GEMIN4: variants seen among roughly 807,000 people sequenced by gnomAD.
GEMIN4 encodes the protein gem nuclear organelle associated protein 4, also known as gem-associated protein 4.
In GEMIN4, 59 loss-of-function variants were observed where a neutral mutation model predicts 76.8. The observed-to-expected ratio is 0.77, with a 90% CI of 0.62 to 0.95. GEMIN4 has a LOEUF of 0.95. Ranked by LOEUF, GEMIN4 falls within the 40% of genes least tolerant of loss-of-function variation. The pLI is 0.00. For missense variants in GEMIN4, 1,311 were observed against 1,318.9 expected (o/e 0.99, Z 0.09); for synonymous variants, 562 against 559.7 (o/e 1.00, Z -0.06).
Position 744,901 on chromosome 17 carries a change from G to A in GEMIN4, c.3142C>T (p.Arg1048Cys), listed in dbSNP as rs1260247389. 16 of 1,612,986 alleles carry A rather than the reference G, an allele frequency of 9.9e-6. No individual in the cohort carries two copies. The East Asian group carries it at 2.5e-4, about 25-fold the overall frequency. The change falls in exon 2 of 2, where the codon CGC becomes TGC. Residue 1048 changes from arginine to cysteine, a missense_variant. Transcript: ENST00000319004. ...CTCATCTTCTGCAACAGGGTTTGGC[G>A]CCGTTCTTCAGGGCCGATGCCCTCA... The part of the protein sequence containing the change: ...IAEGIGPEER[R>C]QTLLQKMSSF
intron 1 of GEMIN4, chr17:749,789 C>G (rs1567781640): frequency 2.0e-6 from 2 of 993,246 alleles, no homozygotes. Flanking sequence ...CAGACAAGCC[C>G]TGCCTTCACT....
chr17:748,464 A>G (rs1904405981), intron 1 of GEMIN4: 2 of 176,688 alleles, frequency 1.1e-5, no homozygotes, highest in African/African-American at 2.4e-5. Flanking sequence ...GAGATCCTTC[A>G]GGAAAAGTGT....
rs750819554 is a variant in GEMIN4, at chr17:746,369, T to A, written c.1674A>T (p.Glu558Asp). The A allele has an allele frequency of 6.2e-6, 10 of 1,613,846 alleles. No individual in the cohort carries two copies. The South Asian group carries it at 1.1e-4, about 18-fold the overall frequency. The change falls in exon 2 of 2, where the codon GAA becomes GAT. Residue 558 changes from glutamate to aspartate, a missense_variant. Physicochemically the swap from Glu to Asp is conservative, Grantham distance 45. Coordinates refer to ENST00000319004, the MANE Select transcript of GEMIN4 (RefSeq NM_015721.3). This position sits in a 1 kb window ranked among gnomAD's most constrained non-coding sequence, Gnocchi z 4.3. ...SVARLVIVHP[E>D]VTVKKMCSLA... Reference sequence around the variant, plus strand: ...GGCTGCACATTTTCTTCACCGTGACTTCCGGGTGCACTATGACCAGGCGGG... The same window carrying A: ...GGCTGCACATTTTCTTCACCGTGACATCCGGGTGCACTATGACCAGGCGGG...
upstream of GEMIN4, chr17:753,533 T>G (rs1424813009): frequency 6.4e-6 from 1 of 157,200 alleles, no homozygotes; most frequent in Non-Finnish European, 1.4e-5. Flanking sequence ...AAAGGGCTTC[T>G]TAGACCTTGA....
In GEMIN4 at chr17:752,191, G is replaced by C. The variant is rs1335766235; in HGVS notation, c.-49C>G. The C allele has an allele frequency of 2.4e-5, 30 of 1,232,302 alleles. No individual in the cohort carries two copies. The highest frequency in any genetic ancestry group is 1.0e-6 in the Non-Finnish European group (1 of 987,566). 76.3% of individuals were successfully genotyped at this position (1,232,302 alleles called of 1,614,324 possible). A position where few individuals can be genotyped will look rare whatever the true frequency, so the allele number is the denominator to read the frequency against. ...GGGGCTAACGCCCCCTCCCCTCCGAGAACTCGAACGCGGCGCGGGACGCAC... is the reference window on the plus strand; with the variant it reads ...GGGGCTAACGCCCCCTCCCCTCCGACAACTCGAACGCGGCGCGGGACGCAC... On this transcript the variant is annotated 5_prime_UTR_variant, in exon 1 of 2. Coordinates refer to ENST00000319004, the MANE Select transcript of GEMIN4 (RefSeq NM_015721.3).
rs771679352 is a variant in GEMIN4, at chr17:746,012, A to C, written c.2031T>G (p.Thr677=). Residue 677 remains threonine, a synonymous_variant, in exon 2 of 2, where the codon ACT becomes ACG. Coordinates refer to ENST00000319004, the MANE Select transcript of GEMIN4 (RefSeq NM_015721.3). The surrounding 1 kb of genome is among the most constrained non-coding windows in gnomAD (Gnocchi z 4.3). ...CCTCTCGGCACGCGTTTGCCTCTAG[A>C]GTCTGGATGAAGATCCTCAGACTGA... ...VDLSLRIFIQ[T]LEANACREEY... is the part of the protein sequence containing the mutation. 1.1e-5 allele frequency: 17 copies of C among 1,613,750 alleles called. No individual in the cohort carries two copies. The highest frequency in any genetic ancestry group is 1.4e-5 in the Non-Finnish European group (16 of 1,179,876).
At chr17:749,862 A>C in intron 1 of GEMIN4, 1 of 993,260 alleles carries the variant, frequency 1.0e-6, no homozygotes, top group Non-Finnish European at 1.2e-6. Context: ...GAAACGGTCC[A>C]CCCCACAGCT....
Position 745,028 on chromosome 17 carries a change from G to T in GEMIN4, c.3015C>A (p.Ala1005=). The change falls in exon 2 of 2, where the codon GCC becomes GCA. Residue 1005 remains alanine, a synonymous_variant. Coordinates refer to ENST00000319004, the MANE Select transcript of GEMIN4 (RefSeq NM_015721.3). This position sits in a 1 kb window ranked among gnomAD's most constrained non-coding sequence, Gnocchi z 4.6. ...TCTCATAGCAGGTGAGGGTTTCCAA[G>T]GCTAAAACGTAGAGTGGCTCACAGA... The part of the protein sequence containing the change: ...PEVCEPLYVL[A]LETLTCYETL... 1.9e-6 allele frequency: 3 copies of T among 1,613,908 alleles called. No homozygotes were observed. Among genetic ancestry groups the T allele is most frequent in the Non-Finnish European group, 2.5e-6 (3 of 1,179,896 alleles).
chr17:754,266 T>C (rs1904891289), upstream of GEMIN4: 2 of 152,192 alleles, frequency 1.3e-5, no homozygotes, highest in East Asian at 1.9e-4. Flanking sequence ...TCTACTCCTG[T>C]TAATGATCAC....
chr17:751,824 C>A (rs957982031), intron 1 of GEMIN4: 2 of 356,640 alleles, frequency 5.6e-6, no homozygotes, highest in African/African-American at 4.2e-5. Context: ...CCCAGGGGTG[C>A]TCGGAGGGAG....
At position 750,363 on chromosome 17, in the gene GEMIN4, C is replaced by T. The variant is rs1038360961; in HGVS notation, c.10+1770G>A. Among the ~76,000 whole-genome samples, 5 of 152,124 alleles carry T rather than the reference C, an allele frequency of 3.3e-5. No homozygotes were observed. In the East Asian group the frequency reaches 5.8e-4, roughly 18 times the overall value. On this transcript the variant is annotated intron_variant, in intron 1 of 1. Transcript: ENST00000319004. Reference sequence around the variant, plus strand: ...CTGCTATCTCCTGACCCCATCTCCCCGGGACGCTATGATGGATAAATGAGA... The same window carrying T: ...CTGCTATCTCCTGACCCCATCTCCCTGGGACGCTATGATGGATAAATGAGA...
chr17:752,324 G>A (rs1904777737), upstream of GEMIN4: 2 of 1,218,704 alleles, frequency 1.6e-6, no homozygotes, highest in Non-Finnish European at 2.0e-6. Flanking sequence ...CCTCACGAAC[G>A]AGCGCGCCAA....
In GEMIN4 at chr17:745,834, A is replaced by G; in HGVS notation, c.2209T>C (p.Cys737Arg). 6.2e-7 allele frequency: 1 copy of G among 1,613,110 alleles called. No individual in the cohort carries two copies. The highest frequency in any genetic ancestry group is 8.5e-7 in the Non-Finnish European group (1 of 1,179,848). ...TCAGCATTGGCTGATACAATCTCAC[A>G]CAGGAGCTCCAGGATATGGATCGCT... is the stretch of plus-strand genomic sequence containing the variant. Reference protein sequence around the residue: ...DLAIHILELLCEIVSANAETF... With the variant: ...DLAIHILELLREIVSANAETF... The change falls in exon 2 of 2, where the codon TGT becomes CGT. Residue 737 changes from cysteine to arginine, a missense_variant. Around this residue, in one of 2 missense-constraint regions of GEMIN4, gnomAD observed 1,208 missense variants for 1,166.9 expected, o/e 1.04. Transcript: ENST00000319004. This position sits in a 1 kb window ranked among gnomAD's most constrained non-coding sequence, Gnocchi z 4.6.
chr17:745,876 AAG>A lies in GEMIN4; in HGVS notation c.2165_2166del (p.Ser722PhefsTer3). 1 of 1,612,946 alleles carries A rather than the reference AAG, an allele frequency of 6.2e-7. No homozygotes were observed. Among genetic ancestry groups the A allele is most frequent in the South Asian group, 1.1e-5 (1 of 91,058 alleles). ...WQLPKEKRCL[S>X]LDRKDLAIHI... is the part of the protein sequence containing the mutation. Reference sequence around the variant, plus strand: ...TGGATCGCTAGATCCTTCCTATCCAAAGAGAGGCACCGCTTCTCCTTGGGAAG... The same window carrying A: ...TGGATCGCTAGATCCTTCCTATCCAAAGAGGCACCGCTTCTCCTTGGGAAG... On this transcript the variant is annotated frameshift_variant, in exon 2 of 2. Transcript: ENST00000319004. LOFTEE classifies it high-confidence loss of function. This position sits in a 1 kb window ranked among gnomAD's most constrained non-coding sequence, Gnocchi z 4.6.
chr17:747,562 GGAA>G lies in GEMIN4; in HGVS notation c.478_480del (p.Phe160del), dbSNP rs1904324294. On this transcript the variant is annotated inframe_deletion, in exon 2 of 2. Coordinates refer to ENST00000319004, the MANE Select transcript of GEMIN4 (RefSeq NM_015721.3). Reference sequence around the variant, plus strand: ...TTCATCACCTCCCACCAGACGTCCAGGAAGAAGGCCACGTCTTCGGCAGAAGTG... The same window carrying G: ...TTCATCACCTCCCACCAGACGTCCAGGAAGGCCACGTCTTCGGCAGAAGTG... 1 of 1,613,842 alleles carries G rather than the reference GGAA, an allele frequency of 6.2e-7. No individual in the cohort carries two copies. The highest frequency in any genetic ancestry group is 8.5e-7 in the Non-Finnish European group (1 of 1,179,884).
At position 744,713 on chromosome 17, in the gene GEMIN4, G is replaced by A. The variant is rs1567773692; in HGVS notation, c.*153C>T. ...CACCATTATTGCCATGACTTTTTGT[G>A]GACAGTTTCACATAACTGTAAAGTC... On this transcript the variant is annotated 3_prime_UTR_variant, in exon 2 of 2. Coordinates refer to ENST00000319004, the MANE Select transcript of GEMIN4 (RefSeq NM_015721.3). 2 of 692,838 alleles carry A rather than the reference G, an allele frequency of 2.9e-6. No homozygotes were observed. The highest frequency in any genetic ancestry group is 4.6e-6 in the Non-Finnish European group (2 of 432,372). 42.9% of individuals were successfully genotyped at this position (692,838 alleles called of 1,614,324 possible).
chr17:746,520 C>T lies in GEMIN4; in HGVS notation c.1523G>A (p.Arg508Gln), dbSNP rs76799274. ...CAGCAACTTTTCAGAGAGGCCCTTT[C>T]GCCCCCAGGAACGCAGGATACCTGC... ...VLAGILRSWG[R>Q]KGLSEKLLAY... The change falls in exon 2 of 2, where the codon CGA becomes CAA. Residue 508 changes from arginine to glutamine, a missense_variant. By Grantham distance (43) the Arg-to-Gln change is conservative. This residue lies in a region of GEMIN4 where 1,208 missense variants were observed against 1,166.9 expected (regional missense o/e 1.04). Transcript: ENST00000319004. The surrounding 1 kb of genome is among the most constrained non-coding windows in gnomAD (Gnocchi z 4.3). 773 of 1,613,970 alleles carry T rather than the reference C, an allele frequency of 4.8e-4. 4 individuals are homozygous for T. In the African/African-American group the frequency reaches 7.8e-3, roughly 16 times the overall value.
In GEMIN4 at chr17:745,538, G is replaced by C; in HGVS notation, c.2505C>G (p.Leu835=). Residue 835 remains leucine, a synonymous_variant, in exon 2 of 2, where the codon CTC becomes CTG. Coordinates refer to ENST00000319004, the MANE Select transcript of GEMIN4 (RefSeq NM_015721.3). This position sits in a 1 kb window ranked among gnomAD's most constrained non-coding sequence, Gnocchi z 4.6. ...CAGGATTGCCCACGTCCACCACCAAGAGAGACAGCATCCTCTCCGAGATGC... is the reference window on the plus strand; with the variant it reads ...CAGGATTGCCCACGTCCACCACCAACAGAGACAGCATCCTCTCCGAGATGC... ...SSGISERMLS[L]LVVDVGNPEE... 6.2e-7 allele frequency: 1 copy of C among 1,612,558 alleles called. No homozygotes were observed.
At chr17:749,769 C>G (rs1253994955) in intron 1 of GEMIN4, 4 of 973,640 alleles carry the variant, frequency 4.1e-6, no homozygotes, top group Non-Finnish European at 4.9e-6. Context: ...GCAATGGGCA[C>G]AGAAGGAATC....
Sources: gnomAD v4.1 joint callset for allele counts (sites outside exome capture counted in the v4.1 genomes callset) on GRCh38, gnomAD v4.1.1 for gene constraint, gnomAD v4.1.1 regional missense constraint, Gnocchi (gnomAD v3.1) non-coding constraint, MANE v1.5 for transcripts, NCBI Gene and HGNC (gene_info 2026-07-23, HGNC 2026-07-21) for gene names.